ASPRV1: variants seen among roughly 807,000 people sequenced by gnomAD.
ASPRV1 encodes aspartic peptidase retroviral like 1.
Under a neutral mutation model 11.0 loss-of-function variants are expected in ASPRV1, and 7 were observed. The observed-to-expected ratio is 0.64, with a 90% CI of 0.36 to 1.20. The LOEUF (loss-of-function observed/expected upper bound fraction) is 1.20, where lower values mean the gene tolerates loss of function less well. Ranked by LOEUF, ASPRV1 falls within the 50% of genes most tolerant of loss-of-function variation. The pLI is 0.02. For synonymous variants in ASPRV1, 136 were observed against 138.4 expected (o/e 0.98, Z 0.12); for missense variants, 299 against 320.0 (o/e 0.93, Z 0.50).
At chr2:69,938,574 G>A in the ASPRV1 span, 4 of 312,738 alleles carry the variant, frequency 1.3e-5, no homozygotes, top group East Asian at 2.9e-4. Flanking sequence ...CCACATCTCA[G>A]CAATCCCCCT....
At chr2:69,983,963 C>G in the ASPRV1 span, among the ~76,000 whole-genome samples, 1 of 152,178 alleles carries the variant, frequency 6.6e-6, no homozygotes, top group Non-Finnish European at 1.5e-5. Context: ...ATTCCTGAAA[C>G]CCCAGTCCCT....
At chr2:69,998,912 C>T in the ASPRV1 span, among the ~76,000 whole-genome samples, 6 of 152,052 alleles carry the variant, frequency 3.9e-5, no homozygotes, top group Non-Finnish European at 7.4e-5. Context: ...TGATGGCAGT[C>T]AGCAGTCGGG....
At chr2:70,075,806 G>A in the ASPRV1 span, among the ~76,000 whole-genome samples, 5 of 151,748 alleles carry the variant, frequency 3.3e-5, no homozygotes, top group Non-Finnish European at 5.9e-5. Context: ...GTGAGATCAC[G>A]CCATTGCATT....
chr2:70,081,628 G>C, the ASPRV1 span: 1 of 151,952 alleles, frequency 6.6e-6, no homozygotes, highest in Non-Finnish European at 1.5e-5. Flanking sequence ...CTGTTGTCCG[G>C]ACTGAAGTGC....
chr2:70,065,390 C>CAAAAAAAAAAAA, the ASPRV1 span, among the ~76,000 whole-genome samples: 3 of 52,734 alleles, frequency 5.7e-5, no homozygotes, highest in Admixed American at 2.2e-4. Context: ...GACACCATCT[C>CAAAAAAAAAAAA]AAAAAAAAAA....
At chr2:69,979,428 AG>A in the ASPRV1 span, among the ~76,000 whole-genome samples, 2 of 152,072 alleles carry the variant, frequency 1.3e-5, no homozygotes, top group Non-Finnish European at 2.9e-5. Flanking sequence ...GTAGTCTCTG[AG>A]GGAAGAGTCT....
chr2:69,988,961 A>G, the ASPRV1 span: 1 of 326,050 alleles, frequency 3.1e-6, no homozygotes, highest in South Asian at 2.4e-5. Flanking sequence ...TTTATTTGAC[A>G]AAAAGGCTGC....
At chr2:70,022,362 TACACAC>T in the ASPRV1 span, among the ~76,000 whole-genome samples, 1,390 of 113,610 alleles carry the variant, frequency 0.012, 14 homozygotes, top group African/African-American at 0.028. Flanking sequence ...CACACACACT[TACACAC>T]ACACACACAC....
chr2:70,081,656 TCAATACAGCCTC>T, the ASPRV1 span, among the ~76,000 whole-genome samples: 1 of 152,104 alleles, frequency 6.6e-6, no homozygotes, highest in Non-Finnish European at 1.5e-5. Context: ...CGATCATGGC[TCAATACAGCCTC>T]CAACTCCCGG....
chr2:70,056,227 G>C, the ASPRV1 span: 4 of 152,158 alleles, frequency 2.6e-5, no homozygotes, highest in African/African-American at 9.7e-5. Context: ...TGGGTACAGA[G>C]TTTCAGTTTT....
the ASPRV1 span, among the ~76,000 whole-genome samples, chr2:70,039,573 C>T: frequency 6.6e-6 from 1 of 151,976 alleles, no homozygotes; most frequent in East Asian, 1.9e-4. Flanking sequence ...GTGATTTACA[C>T]AAACAGCCAG....
the ASPRV1 span, among the ~76,000 whole-genome samples, chr2:70,051,995 A>G: frequency 1.8e-3 from 271 of 152,094 alleles, 1 homozygote; most frequent in African/African-American, 6.3e-3. Flanking sequence ...GGGTAGAAAC[A>G]CTCATTCTAT....
the ASPRV1 span, among the ~76,000 whole-genome samples, chr2:70,084,958 T>TTCTG: frequency 6.6e-6 from 1 of 152,200 alleles, no homozygotes; most frequent in African/African-American, 2.4e-5. Context: ...CAAAAAGCCC[T>TTCTG]TCTCTTTGTC....
the ASPRV1 span, chr2:70,034,839 T>C: frequency 1.3e-5 from 2 of 152,202 alleles, no homozygotes; most frequent in Non-Finnish European, 2.9e-5. Context: ...CCAGTCAGAA[T>C]TATGGGCTTT....
the ASPRV1 span, among the ~76,000 whole-genome samples, chr2:70,039,061 G>A: frequency 1.5e-5 from 2 of 132,918 alleles, no homozygotes; most frequent in Non-Finnish European, 3.1e-5. Flanking sequence ...CCGGGGCAAC[G>A]AAAGCAAAAC....
At chr2:70,058,761 C>T in the ASPRV1 span, among the ~76,000 whole-genome samples, 1 of 151,306 alleles carries the variant, frequency 6.6e-6, no homozygotes, top group Non-Finnish European at 1.5e-5. Flanking sequence ...CCATGTTGGC[C>T]AGGCTGGTCT....
the ASPRV1 span, among the ~76,000 whole-genome samples, chr2:70,043,322 G>A: frequency 6.6e-6 from 1 of 152,116 alleles, no homozygotes; most frequent in African/African-American, 2.4e-5. Context: ...GGACGCTAAG[G>A]CAGGAAAATC....
upstream of ASPRV1, chr2:69,964,541 A>G (rs964044693): frequency 7.3e-6 from 2 of 274,828 alleles, no homozygotes; most frequent in Non-Finnish European, 1.5e-5. Flanking sequence ...GCTACGCCAG[A>G]GGTGCCCCAT....
chr2:70,084,528 A>G, the ASPRV1 span, among the ~76,000 whole-genome samples: 1 of 152,194 alleles, frequency 6.6e-6, no homozygotes, highest in African/African-American at 2.4e-5. Flanking sequence ...TGTAAAACTG[A>G]CCTAATATCA....
Sources: gnomAD v4.1 joint callset for allele counts (sites outside exome capture counted in the v4.1 genomes callset) on GRCh38, gnomAD v4.1.1 for gene constraint, MANE v1.5 for transcripts, NCBI Gene and HGNC (gene_info 2026-07-23, HGNC 2026-07-21) for gene names.